The following EDN1 variants were observed in gnomAD, a reference collection of about 807,000 sequenced individuals.
EDN1 encodes endothelin 1, also known as endothelin-1.
Under a neutral mutation model 21.7 loss-of-function variants are expected in EDN1, and 11 were observed. The observed-to-expected ratio is 0.51, with a 90% CI of 0.32 to 0.84. The LOEUF is 0.84. Among genes scored for constraint, EDN1 ranks in the 40% least tolerant of loss-of-function variants. EDN1 has a pLI of 0.03. For synonymous variants in EDN1, 85 were observed against 90.6 expected, an observed-to-expected ratio of 0.94 and a Z score of 0.35; for missense variants, 244 against 262.3, an observed-to-expected ratio of 0.93 and a Z score of 0.48.
upstream of EDN1, among the ~76,000 whole-genome samples, chr6:12,289,217 C>T (rs546682725): frequency 6.6e-6 from 1 of 152,216 alleles, no homozygotes; most frequent in East Asian, 1.9e-4. Flanking sequence ...TTATCTGATT[C>T]CTTGTTCGAA....
In EDN1 at chr6:12,296,515, C is replaced by A; in HGVS notation, c.*448C>A. ...CTAAGGAATGCACAAATTGAAAACA[C>A]ACTCAAAAGACAAACATGCAAGTAA... On this transcript the variant is annotated 3_prime_UTR_variant, in exon 5 of 5. Coordinates refer to ENST00000379375, the MANE Select transcript of EDN1 (RefSeq NM_001955.5). 1.3e-5 allele frequency: 2 copies of A among 159,084 alleles called. No homozygotes were observed. Among genetic ancestry groups the A allele is most frequent in the Admixed American group, 6.0e-5 (1 of 16,700 alleles). The allele number at this position is 159,084 out of a possible 1,614,324, so 9.9% of individuals were successfully genotyped here.
chr6:12,267,255 A>T, the EDN1 span, among the ~76,000 whole-genome samples: 1 of 152,090 alleles, frequency 6.6e-6, no homozygotes, highest in African/African-American at 2.4e-5. Context: ...TATAATTATT[A>T]TTATTCTGTT....
At chr6:12,233,596 A>T in the EDN1 span, among the ~76,000 whole-genome samples, 1 of 152,218 alleles carries the variant, frequency 6.6e-6, no homozygotes, top group Non-Finnish European at 1.5e-5. Context: ...AGATGTTATT[A>T]TACAGAGCCG....
chr6:12,265,510 G>A, the EDN1 span, among the ~76,000 whole-genome samples: 2 of 152,168 alleles, frequency 1.3e-5, no homozygotes, highest in Admixed American at 1.3e-4. Context: ...ATGCACAGAG[G>A]GTTGCCCCTG....
the EDN1 span, among the ~76,000 whole-genome samples, chr6:12,274,132 T>C: frequency 6.6e-6 from 1 of 152,244 alleles, no homozygotes; most frequent in Non-Finnish European, 1.5e-5. Flanking sequence ...AATTGTCCTT[T>C]GCCCAGTGAT....
the EDN1 span, among the ~76,000 whole-genome samples, chr6:12,284,542 AAAG>A: frequency 6.6e-6 from 1 of 151,010 alleles, no homozygotes; most frequent in South Asian, 2.1e-4. Flanking sequence ...GGAAGGAAGG[AAAG>A]AAGGAAGGAA....
the EDN1 span, among the ~76,000 whole-genome samples, chr6:12,266,419 C>T: frequency 3.3e-5 from 5 of 152,240 alleles, no homozygotes; most frequent in East Asian, 1.9e-4. Context: ...ACAGTGGGAC[C>T]GGTGCTATTC....
chr6:12,295,443 T>G (rs1581888892), intron 4 of EDN1, among the ~76,000 whole-genome samples: 1 of 152,096 alleles, frequency 6.6e-6, no homozygotes, highest in East Asian at 1.9e-4. Flanking sequence ...AACATTACAG[T>G]TCTTCCCTCT....
Position 12,290,497 on chromosome 6 carries a change from A to G in EDN1, c.-133A>G. 1 of 621,636 alleles carries G rather than the reference A, an allele frequency of 1.6e-6. No individual in the cohort carries two copies. The highest frequency in any genetic ancestry group is 2.6e-6 in the Non-Finnish European group (1 of 379,066). The allele number at this position is 621,636 out of a possible 1,614,324, so 38.5% of individuals were successfully genotyped here. A position where few individuals can be genotyped will look rare whatever the true frequency, so the allele number is the denominator to read the frequency against. ...CAGGCGCTGCCTTTTCTCCCCGTTAAAAGGGCACTTGGGCTGAAGGATCGC... is the reference window on the plus strand; with the variant it reads ...CAGGCGCTGCCTTTTCTCCCCGTTAGAAGGGCACTTGGGCTGAAGGATCGC... On this transcript the variant is annotated 5_prime_UTR_variant, in exon 1 of 5. Transcript: ENST00000379375.
chr6:12,255,022 T>C, the EDN1 span, among the ~76,000 whole-genome samples: 6 of 152,198 alleles, frequency 3.9e-5, no homozygotes, highest in African/African-American at 1.2e-4. Context: ...CTTTACAGCT[T>C]TCACATTTTC....
chr6:12,232,208 A>G, the EDN1 span, among the ~76,000 whole-genome samples: 1 of 147,488 alleles, frequency 6.8e-6, no homozygotes, highest in Admixed American at 6.8e-5. Context: ...AATATAATAT[A>G]ATAAAGTATA....
At chr6:12,294,745 T>A (rs565872123) in intron 4 of EDN1, among the ~76,000 whole-genome samples, 1 of 152,298 alleles carries the variant, frequency 6.6e-6, no homozygotes, top group East Asian at 1.9e-4. Context: ...TATTTACCAC[T>A]TTCCCTGAGA....
the EDN1 span, among the ~76,000 whole-genome samples, chr6:12,270,761 GA>G: frequency 2.0e-5 from 3 of 152,152 alleles, no homozygotes; most frequent in Non-Finnish European, 2.9e-5. Flanking sequence ...CGGTTGGGTG[GA>G]ATGTTCCGTA....
the EDN1 span, among the ~76,000 whole-genome samples, chr6:12,279,235 C>A: frequency 6.6e-6 from 1 of 152,060 alleles, no homozygotes; most frequent in South Asian, 2.1e-4. Flanking sequence ...AGTGTAAATC[C>A]TATTTGATTG....
At chr6:12,263,763 G>C in the EDN1 span, among the ~76,000 whole-genome samples, 1 of 152,004 alleles carries the variant, frequency 6.6e-6, no homozygotes, top group Non-Finnish European at 1.5e-5. Context: ...CTTTTTCTGA[G>C]TGGCTTCTTA....
At chr6:12,270,566 A>G in the EDN1 span, among the ~76,000 whole-genome samples, 2 of 152,090 alleles carry the variant, frequency 1.3e-5, no homozygotes, top group East Asian at 1.9e-4. Flanking sequence ...TTTAATTTCT[A>G]TATATTTGTA....
the EDN1 span, among the ~76,000 whole-genome samples, chr6:12,260,195 A>G: frequency 6.6e-6 from 1 of 152,136 alleles, no homozygotes; most frequent in Non-Finnish European, 1.5e-5. Context: ...CAGACAAGTG[A>G]CAAAAATATG....
At chr6:12,250,298 C>A in the EDN1 span, among the ~76,000 whole-genome samples, 1 of 151,974 alleles carries the variant, frequency 6.6e-6, no homozygotes, top group Non-Finnish European at 1.5e-5. Context: ...TTTGTTTTTT[C>A]TGTTTTAGTT....
At chr6:12,251,095 C>G in the EDN1 span, among the ~76,000 whole-genome samples, 1 of 152,136 alleles carries the variant, frequency 6.6e-6, no homozygotes, top group African/African-American at 2.4e-5. Context: ...GCTGCTGTAC[C>G]TAGGGATACT....
Sources: allele counts gnomAD v4.1 joint callset (sites outside exome capture counted in the v4.1 genomes callset), GRCh38; gene constraint gnomAD v4.1.1; transcripts MANE v1.5; gene names NCBI Gene and HGNC (gene_info 2026-07-23, HGNC 2026-07-21).